The following RILPL1 variants were observed in gnomAD, a reference collection of about 807,000 sequenced individuals.
RILPL1 encodes Rab interacting lysosomal protein like 1.
In RILPL1, 33 loss-of-function variants were observed where a neutral mutation model predicts 50.3. The observed-to-expected ratio is 0.66, with a 90% CI of 0.50 to 0.88. The LOEUF is 0.88. RILPL1 is among the 40% of genes least tolerant of loss of function. The pLI is 0.00. For missense variants in RILPL1, 418 were observed against 542.5 expected (o/e 0.77, Z 2.28); for synonymous variants, 205 against 228.6 (o/e 0.90, Z 0.93).
At chr12:123,513,404 G>A (rs1884504784) in intron 2 of RILPL1, 1 of 354,402 alleles carries the variant, frequency 2.8e-6, no homozygotes, top group African/African-American at 2.1e-5. Context: ...AGAGGTGGGC[G>A]GGAGGCGAGC....
intron 2 of RILPL1, among the ~76,000 whole-genome samples, chr12:123,509,017 GTC>G (rs1883928170): frequency 6.6e-6 from 1 of 152,090 alleles, no homozygotes. Flanking sequence ...GAAACCTCTC[GTC>G]TCTACTAATA....
intron 2 of RILPL1, among the ~76,000 whole-genome samples, chr12:123,505,766 G>C (rs1002217882): frequency 6.6e-6 from 1 of 152,142 alleles, no homozygotes; most frequent in Non-Finnish European, 1.5e-5. Flanking sequence ...GGACTATAAA[G>C]ATGCACCACT....
At position 123,533,150 on chromosome 12, in the gene RILPL1, G is replaced by T. The variant is rs370114080; in HGVS notation, c.309+24C>A. 3.3e-6 allele frequency: 5 copies of T among 1,510,198 alleles called. No individual in the cohort carries two copies. The South Asian group carries it at 3.7e-5, about 11-fold the overall frequency. The allele number at this position is 1,510,198 out of a possible 1,614,324, so 93.5% of individuals were successfully genotyped here. On this transcript the variant is annotated intron_variant, in intron 1 of 6. Coordinates refer to ENST00000376874, the MANE Select transcript of RILPL1 (RefSeq NM_178314.5). This position sits in a 1 kb window ranked among gnomAD's most constrained non-coding sequence, Gnocchi z 6.2. ...GTCCCCGCGGTCCCACTGCCCGGACGGACAGACCGAGGCCGCCGCCCACCT... is the reference window on the plus strand; with the variant it reads ...GTCCCCGCGGTCCCACTGCCCGGACTGACAGACCGAGGCCGCCGCCCACCT...
chr12:123,508,932 T>G (rs2139356294), intron 2 of RILPL1, among the ~76,000 whole-genome samples: 1 of 151,078 alleles, frequency 6.6e-6, no homozygotes, highest in African/African-American at 2.4e-5. Flanking sequence ...ACACCTGTAA[T>G]CCCAGCACTT....
chr12:123,523,708 C>A, intron 1 of RILPL1, 63 bp from the exon 2 acceptor site: 2 of 1,554,376 alleles, frequency 1.3e-6, no homozygotes, highest in South Asian at 1.2e-5. Context: ...CCACCCACTC[C>A]GACCCTCAGG....
intron 6 of RILPL1, chr12:123,474,417 T>C (rs1258041590): frequency 6.6e-6 from 1 of 152,206 alleles, no homozygotes; most frequent in Admixed American, 6.6e-5. Flanking sequence ...AGTGGCTTGA[T>C]CTCAGTTCAC....
Position 123,498,576 on chromosome 12 carries a change from C to G in RILPL1, c.769G>C (p.Glu257Gln), listed in dbSNP as rs753333337. The G allele has an allele frequency of 6.2e-7, 1 of 1,613,462 alleles. No individual in the cohort carries two copies. Among genetic ancestry groups the G allele is most frequent in the Non-Finnish European group, 8.5e-7 (1 of 1,179,888 alleles). The change falls in exon 4 of 7, where the codon GAG (glutamate) becomes CAG (glutamine). Residue 257 changes from glutamate to glutamine, a missense_variant. Transcript: ENST00000376874. This position sits in a 1 kb window ranked among gnomAD's most constrained non-coding sequence, Gnocchi z 4.3. ...LGKLRERLQG[E>Q]HSQNGEEEPE... ...TCCTCCTCCCCATTCTGGCTGTGCT[C>G]CCCCTGCAGCCTCTCTCGCAACTTC...
At chr12:123,486,266 C>T (rs1038912369) in intron 4 of RILPL1, among the ~76,000 whole-genome samples, 1 of 152,154 alleles carries the variant, frequency 6.6e-6, no homozygotes, top group African/African-American at 2.4e-5. Flanking sequence ...AAGTCATATC[C>T]ATTTTCCCTG....
At chr12:123,475,942 C>T (rs1265424735) in intron 6 of RILPL1, 5 of 506,302 alleles carry the variant, frequency 9.9e-6, no homozygotes, top group East Asian at 6.6e-5. Context: ...CTCACTGTCT[C>T]GTCCAGGCTG....
At position 123,485,639 on chromosome 12, in the gene RILPL1, T is replaced by C. The variant is rs756418621; in HGVS notation, c.968A>G (p.Tyr323Cys). ...CAGCCCCAGGGACACTTGCCTCTTA[T>C]AGTAAGCCAGCTCCTCCTGCAGCAA... The part of the protein sequence containing the change: ...VFLLQEELAY[Y>C]KSEEMEEENR... The change falls in exon 5 of 7, where the codon TAT becomes TGT. Residue 323 changes from tyrosine to cysteine, a missense_variant. Coordinates refer to ENST00000376874, the MANE Select transcript of RILPL1 (RefSeq NM_178314.5). This position sits in a 1 kb window ranked among gnomAD's most constrained non-coding sequence, Gnocchi z 4.0. The C allele has an allele frequency of 5.6e-6, 9 of 1,613,618 alleles. No individual in the cohort carries two copies. Among genetic ancestry groups the C allele is most frequent in the Non-Finnish European group, 6.8e-6 (8 of 1,179,732 alleles).
chr12:123,475,940 C>A, intron 6 of RILPL1: 1 of 509,980 alleles, frequency 2.0e-6, no homozygotes, highest in South Asian at 2.2e-5. Flanking sequence ...GTCTCACTGT[C>A]TCGTCCAGGC....
intron 2 of RILPL1, among the ~76,000 whole-genome samples, chr12:123,509,996 T>G (rs1883986268): frequency 6.6e-6 from 1 of 152,144 alleles, no homozygotes. Context: ...GGGCTCCCGA[T>G]GAGGAAGGTG....
rs775415572 is a variant in RILPL1 at position 123,489,341 on chromosome 12, G to C, written c.802-3536C>G. 1.3e-5 allele frequency among the ~76,000 whole-genome samples: 2 copies of C among 152,120 alleles called. No homozygotes were observed. Among genetic ancestry groups the C allele is most frequent in the African/African-American group, 4.8e-5 (2 of 41,430 alleles). On this transcript the variant is annotated intron_variant, in intron 4 of 6. Transcript: ENST00000376874. The surrounding 1 kb of genome is among the most constrained non-coding windows in gnomAD (Gnocchi z 4.0). ...GTTCGAGACCAGCCTGGACAACATG[G>C]TGAAACGCTATCTCTACTGAAAATA...
At chr12:123,475,777 A>G in intron 6 of RILPL1, 1 of 1,449,862 alleles carries the variant, frequency 6.9e-7, no homozygotes, top group African/African-American at 1.4e-5. Flanking sequence ...AGATAGACAC[A>G]GAGAAGATAA....
At chr12:123,473,976 C>G (rs572712787) in intron 6 of RILPL1, 33 of 152,270 alleles carry the variant, frequency 2.2e-4, no homozygotes, top group African/African-American at 7.7e-4. Context: ...CCTCCACCTC[C>G]CCGGTTCAAG....
chr12:123,478,021 C>T (rs1352358059), intron 6 of RILPL1, among the ~76,000 whole-genome samples: 2 of 119,380 alleles, frequency 1.7e-5, no homozygotes, highest in African/African-American at 6.8e-5. Flanking sequence ...TTTTCAGAGA[C>T]AGGTCTCGCT....
At position 123,500,719 on chromosome 12, in the gene RILPL1, TA is replaced by T. The variant is rs1333063055; in HGVS notation, c.461-1184del. On this transcript the variant is annotated intron_variant, in intron 2 of 6. Coordinates refer to ENST00000376874, the MANE Select transcript of RILPL1 (RefSeq NM_178314.5). ...TCTTTATGCCTCAGTTTCCACCCTA[TA>T]AAGTAGGGTGATAACAGTCCCCGCA... Among the ~76,000 whole-genome samples, 6 of 152,252 alleles carry T rather than the reference TA, an allele frequency of 3.9e-5. No homozygotes were observed. The South Asian group carries it at 1.2e-3, about 32-fold the overall frequency.
chr12:123,529,522 C>T (rs888547369), intron 1 of RILPL1, among the ~76,000 whole-genome samples: 1 of 152,046 alleles, frequency 6.6e-6, no homozygotes, highest in Non-Finnish European at 1.5e-5. Context: ...AGTGATCCAG[C>T]TGCCTCGGCC....
chr12:123,533,578 G>C lies in RILPL1; in HGVS notation c.-96C>G. The C allele has an allele frequency of 9.5e-7, 1 of 1,053,808 alleles. No homozygotes were observed. 65.3% of individuals were successfully genotyped at this position (1,053,808 alleles called of 1,614,324 possible). A position where few individuals can be genotyped will look rare whatever the true frequency, so the allele number is the denominator to read the frequency against. ...GGGCCGGCCGGGCCCAGCCTGGGCC[G>C]CGGGCGGGCGCGCTCAGCGGGCGCT... On this transcript the variant is annotated 5_prime_UTR_variant, in exon 1 of 7. Coordinates refer to ENST00000376874, the MANE Select transcript of RILPL1 (RefSeq NM_178314.5). This position sits in a 1 kb window ranked among gnomAD's most constrained non-coding sequence, Gnocchi z 6.2.
Sources: gnomAD v4.1 joint callset for allele counts (sites outside exome capture counted in the v4.1 genomes callset) on GRCh38, gnomAD v4.1.1 for gene constraint, Gnocchi (gnomAD v3.1) non-coding constraint, MANE v1.5 for transcripts, NCBI Gene and HGNC (gene_info 2026-07-23, HGNC 2026-07-21) for gene names.